ADAMTS3: variants seen among roughly 807,000 people sequenced by gnomAD.
ADAMTS3 encodes the protein A disintegrin and metalloproteinase with thrombospondin motifs 3.
Under a neutral mutation model 129.0 loss-of-function variants are expected in ADAMTS3, and 73 were observed. The ratio of observed to expected loss-of-function variants is 0.57; its 90% CI spans 0.47 to 0.69. ADAMTS3 has a LOEUF of 0.69. Among genes scored for constraint, ADAMTS3 ranks in the 30% least tolerant of loss-of-function variants. ADAMTS3 has a pLI of 0.00. For synonymous variants in ADAMTS3, 477 were observed against 510.8 expected (o/e 0.93, Z 0.89); for missense variants, 1,457 against 1,514.5 (o/e 0.96, Z 0.63).
intron 4 of ADAMTS3, among the ~76,000 whole-genome samples, chr4:72,404,378 T>A (rs567892021): frequency 3.0e-4 from 45 of 152,086 alleles, no homozygotes; most frequent in Non-Finnish European, 4.7e-4. Flanking sequence ...TATGGTCAAA[T>A]GGTCCTCCAC....
chr4:72,462,617 G>A (rs1206501186), intron 3 of ADAMTS3, among the ~76,000 whole-genome samples: 1 of 151,806 alleles, frequency 6.6e-6, no homozygotes, highest in African/African-American at 2.4e-5. Context: ...TCCCATGTAG[G>A]CCGAGGCTAG....
In ADAMTS3 at chr4:72,357,976, T is replaced by A. The variant is rs144755689; in HGVS notation, c.662-18283A>T. On this transcript the variant is annotated intron_variant, in intron 4 of 21. Coordinates refer to ENST00000286657, the MANE Select transcript of ADAMTS3 (RefSeq NM_014243.3). ...CAATCTAAATTAATGAGAAATGATTTATGCAAGGATGGCTAACAGCCTCCC... is the reference window on the plus strand; with the variant it reads ...CAATCTAAATTAATGAGAAATGATTAATGCAAGGATGGCTAACAGCCTCCC... Among the ~76,000 whole-genome samples the A allele has an allele frequency of 4.6e-3, 692 of 152,052 alleles. 4 individuals are homozygous for A. The highest frequency in any genetic ancestry group is 0.016 in the African/African-American group (662 of 41,508).
In ADAMTS3 at chr4:72,319,890, A is replaced by C; in HGVS notation, c.1176T>G (p.Ser392=). ...CCGTTTCATGGGCTACTACAAAAGC[A>C]GATGAAAAACCATCCTCATGATTCA... ...CTLNHEDGFS[S]AFVVAHETGH... is the part of the protein sequence containing the mutation. The change falls in exon 8 of 22, where the codon TCT becomes TCG. Residue 392 remains serine, a synonymous_variant. Coordinates refer to ENST00000286657, the MANE Select transcript of ADAMTS3 (RefSeq NM_014243.3). The C allele has an allele frequency of 6.2e-7, 1 of 1,613,980 alleles. No homozygotes were observed. Among genetic ancestry groups the C allele is most frequent in the South Asian group, 1.1e-5 (1 of 91,088 alleles).
At chr4:72,313,595 A>C (rs1249377903) in intron 12 of ADAMTS3, 82 bp downstream of exon 12, 1 of 1,447,776 alleles carries the variant, frequency 6.9e-7, no homozygotes, top group Non-Finnish European at 9.4e-7. Context: ...CATGCACTTT[A>C]TAAAACAGAA....
intron 3 of ADAMTS3, among the ~76,000 whole-genome samples, chr4:72,439,266 G>A (rs1184524090): frequency 6.6e-6 from 1 of 151,632 alleles, no homozygotes; most frequent in African/African-American, 2.4e-5. Flanking sequence ...TACTTTTACA[G>A]TAATTACCTT....
chr4:72,319,969 G>A lies in ADAMTS3; in HGVS notation c.1103-6C>T. ...GCCGGTGACTGGAGCATATCCTGTA[G>A]AGAATAACAATTACTTTTATTTTCA... On this transcript the variant is annotated splice_polypyrimidine_tract_variant and splice_region_variant and intron_variant, in intron 7 of 21. Transcript: ENST00000286657. The A allele has an allele frequency of 1.2e-6, 2 of 1,602,918 alleles. No homozygotes were observed. Among genetic ancestry groups the A allele is most frequent in the South Asian group, 1.1e-5 (1 of 90,734 alleles).
At chr4:72,531,255 T>A (rs2109763900) in intron 3 of ADAMTS3, among the ~76,000 whole-genome samples, 1 of 152,266 alleles carries the variant, frequency 6.6e-6, no homozygotes, top group African/African-American at 2.4e-5. Flanking sequence ...GAGTCTAGGA[T>A]AATAAGAATC....
At chr4:72,530,270 TATATAATATATAATAAC>T (rs1378786588) in intron 3 of ADAMTS3, among the ~76,000 whole-genome samples, 3 of 82,524 alleles carry the variant, frequency 3.6e-5, no homozygotes, top group Non-Finnish European at 6.2e-5. Context: ...TTATATATAA[TATATAATATATAATAAC>T]ATATAATATA....
chr4:72,324,907 A>G (rs1719661650), intron 5 of ADAMTS3, among the ~76,000 whole-genome samples: 1 of 152,162 alleles, frequency 6.6e-6, no homozygotes, highest in Admixed American at 6.6e-5. Flanking sequence ...TCACACATTA[A>G]TAGTCTCAGA....
chr4:72,319,408 C>A lies in ADAMTS3; in HGVS notation c.1276G>T (p.Ala426Ser). 6.2e-7 allele frequency: 1 copy of A among 1,613,966 alleles called. No homozygotes were observed. The highest frequency in any genetic ancestry group is 8.5e-7 in the Non-Finnish European group (1 of 1,179,936). ...TGGAATGCTGCTTGTACCAAGGGAG[C>A]CATGACACTTCCCATAGCAGTCTCA... is the stretch of plus-strand genomic sequence containing the variant. ...GDETAMGSVMAPLVQAAFHRY... is the reference protein window; with the variant it reads ...GDETAMGSVMSPLVQAAFHRY... Residue 426 changes from alanine (A) to serine (S), a missense_variant, in exon 9 of 22, where the codon GCT (alanine) becomes TCT (serine). Transcript: ENST00000286657.
rs531250558 is a variant in ADAMTS3, at chr4:72,495,274, C to G, written c.504+53204G>C. 9.2e-5 allele frequency among the ~76,000 whole-genome samples: 14 copies of G among 152,144 alleles called. No homozygotes were observed. The South Asian group carries it at 2.9e-3, about 32-fold the overall frequency. On this transcript the variant is annotated intron_variant, in intron 3 of 21. Transcript: ENST00000286657. Reference sequence around the variant, plus strand: ...AAAATGTGTGGAATAGTCCCAGGGTCTGTGGGGTCTATAGAGTCATTGTAG... The same window carrying G: ...AAAATGTGTGGAATAGTCCCAGGGTGTGTGGGGTCTATAGAGTCATTGTAG...
chr4:72,485,204 C>G (rs940417701), intron 3 of ADAMTS3, among the ~76,000 whole-genome samples: 5 of 152,106 alleles, frequency 3.3e-5, no homozygotes, highest in African/African-American at 9.7e-5. Context: ...ATGAAATATT[C>G]CAGAATTTAT....
intron 3 of ADAMTS3, among the ~76,000 whole-genome samples, chr4:72,532,608 G>T (rs1246341896): frequency 6.6e-6 from 1 of 151,936 alleles, no homozygotes; most frequent in Non-Finnish European, 1.5e-5. Context: ...TCTGAGAAAT[G>T]CATTAGGTGA....
At chr4:72,463,778 T>C (rs1311899833) in intron 3 of ADAMTS3, among the ~76,000 whole-genome samples, 1 of 151,848 alleles carries the variant, frequency 6.6e-6, no homozygotes, top group Admixed American at 6.6e-5. Context: ...TCTACTTCTT[T>C]CTTTATTTTT....
intron 3 of ADAMTS3, among the ~76,000 whole-genome samples, chr4:72,445,150 G>T (rs953340592): frequency 2.0e-5 from 3 of 151,704 alleles, no homozygotes; most frequent in Non-Finnish European, 2.9e-5. Context: ...CACCCCAAAT[G>T]CACTAGAAAC....
intron 3 of ADAMTS3, among the ~76,000 whole-genome samples, chr4:72,515,090 G>T (rs1560545262): frequency 6.6e-6 from 1 of 152,194 alleles, no homozygotes; most frequent in East Asian, 1.9e-4. Flanking sequence ...GCGGTGTTTG[G>T]TTTTTTGTCC....
intron 3 of ADAMTS3, among the ~76,000 whole-genome samples, chr4:72,485,742 T>G (rs1322745989): frequency 6.6e-6 from 1 of 152,170 alleles, no homozygotes; most frequent in Admixed American, 6.6e-5. Flanking sequence ...AGCATCCCCC[T>G]CAAAATTCAT....
chr4:72,367,494 T>C (rs1720897364), intron 4 of ADAMTS3, among the ~76,000 whole-genome samples: 3 of 152,158 alleles, frequency 2.0e-5, no homozygotes, highest in Non-Finnish European at 4.4e-5. Flanking sequence ...CATACATATA[T>C]AAAAAGTACT....
chr4:72,418,501 A>G (rs1255584395), intron 3 of ADAMTS3, among the ~76,000 whole-genome samples: 1 of 152,182 alleles, frequency 6.6e-6, no homozygotes, highest in Non-Finnish European at 1.5e-5. Context: ...CCAGGTTGAC[A>G]GTGGCTCTAT....
Sources: gnomAD v4.1 joint callset for allele counts (sites outside exome capture counted in the v4.1 genomes callset) on GRCh38, gnomAD v4.1.1 for gene constraint, MANE v1.5 for transcripts, NCBI Gene and HGNC (gene_info 2026-07-23, HGNC 2026-07-21) for gene names.